Variants in FBXL20 observed in about 807,000 individuals in gnomAD.
The protein encoded by FBXL20 is F-box and leucine rich repeat protein 20.
A neutral mutation model predicts 64.0 loss-of-function variants in FBXL20; 11 were observed. That is an observed-to-expected ratio of 0.17 (90% CI 0.11 to 0.28). The LOEUF (loss-of-function observed/expected upper bound fraction) is 0.28. FBXL20 is among the 10% of genes least tolerant of loss of function. The pLI, the probability that FBXL20 is intolerant of heterozygous loss-of-function variation, is 1.00. For synonymous variants in FBXL20, 184 were observed against 189.0 expected (o/e 0.97, Z 0.22); for missense variants, 303 against 526.2 (o/e 0.58, Z 4.15).
In FBXL20 at chr17:39,279,139, G is replaced by A. The variant is rs188394118; in HGVS notation, c.696+2250C>T. ...AGCCTGGGCGATACAGCGAGACTCC[G>A]TCTCTAAATAAATAAATAAATAAAA... is the stretch of plus-strand genomic sequence containing the variant. On this transcript the variant is annotated intron_variant, in intron 9 of 14. Coordinates refer to ENST00000264658, the MANE Select transcript of FBXL20 (RefSeq NM_032875.3). 8.6e-5 allele frequency among the ~76,000 whole-genome samples: 13 copies of A among 152,010 alleles called. No homozygotes were observed. The East Asian group carries it at 1.2e-3, about 14-fold the overall frequency.
At position 39,343,847 on chromosome 17, in the gene FBXL20, C is replaced by T. The variant is rs4538040; in HGVS notation, c.43-606G>A. 2.6e-5 allele frequency among the ~76,000 whole-genome samples: 4 copies of T among 152,130 alleles called. No individual in the cohort carries two copies. In the East Asian group the frequency reaches 7.7e-4, roughly 29 times the overall value. On this transcript the variant is annotated intron_variant, in intron 1 of 14. Transcript: ENST00000264658. ...GGTAGCTGAGGTTACAGGTGCATGC[C>T]ACCATGCCCGGCTAATTTTTGTTTG...
intron 1 of FBXL20, among the ~76,000 whole-genome samples, chr17:39,361,148 G>A (rs2047789831): frequency 6.6e-6 from 1 of 152,064 alleles, no homozygotes; most frequent in Admixed American, 6.6e-5. Flanking sequence ...GAGTGTTAGG[G>A]AACAGGAGTT....
chr17:39,340,996 GC>G (rs2047577363), intron 2 of FBXL20, among the ~76,000 whole-genome samples: 1 of 140,364 alleles, frequency 7.1e-6, no homozygotes, highest in African/African-American at 2.6e-5. Context: ...ACAAAGTTTT[GC>G]TTTTTTTTTT....
In FBXL20 at chr17:39,258,272, T is replaced by C. The variant is rs1282769100; in HGVS notation, c.*3188A>G. 1 of 152,258 alleles carries C rather than the reference T, an allele frequency of 6.6e-6. No individual in the cohort carries two copies. Among genetic ancestry groups the C allele is most frequent in the Non-Finnish European group, 1.5e-5 (1 of 68,046 alleles). The allele number at this position is 152,258 out of a possible 1,614,324, so 9.4% of individuals were successfully genotyped here. ...TGAGAGAGGAAGCATTATGTTCAGA[T>C]GTCAGGCTCCTTTCCACCTGACCAA... On this transcript the variant is annotated 3_prime_UTR_variant, in exon 15 of 15. Transcript: ENST00000264658.
upstream of FBXL20, chr17:39,402,511 C>T: frequency 3.3e-6 from 1 of 302,158 alleles, no homozygotes; most frequent in Non-Finnish European, 6.1e-6. Context: ...AGCCGGGCAA[C>T]CCTTCCTTTG....
At chr17:39,326,398 A>G (rs1416689438) in intron 2 of FBXL20, among the ~76,000 whole-genome samples, 2 of 151,958 alleles carry the variant, frequency 1.3e-5, no homozygotes, top group Non-Finnish European at 2.9e-5. Flanking sequence ...AGTGGCTCAT[A>G]CCTGTAATCC....
chr17:39,354,176 T>A (rs1597815281), intron 1 of FBXL20, among the ~76,000 whole-genome samples: 1 of 152,202 alleles, frequency 6.6e-6, no homozygotes, highest in East Asian at 1.9e-4. Flanking sequence ...TAAAATAAAG[T>A]TGCAGTTTAT....
chr17:39,289,236 G>GA, intron 6 of FBXL20, among the ~76,000 whole-genome samples: 1 of 152,206 alleles, frequency 6.6e-6, no homozygotes, highest in East Asian at 1.9e-4. Context: ...CGTTATTCTA[G>GA]AACCTCTGCA....
rs758742995 is a variant in FBXL20, at chr17:39,343,113, A to G, written c.104+67T>C. ...ATATATGAAAATTAGCAAAAAGTTA[A>G]AAAATTTTAAACAGGCAAATATGAC... On this transcript the variant is annotated intron_variant, in intron 2 of 14. Transcript: ENST00000264658. 5.6e-6 allele frequency: 7 copies of G among 1,254,952 alleles called. No individual in the cohort carries two copies. In the East Asian group the frequency reaches 1.5e-4, roughly 27 times the overall value. 77.7% of individuals were successfully genotyped at this position (1,254,952 alleles called of 1,614,324 possible).
intron 2 of FBXL20, among the ~76,000 whole-genome samples, chr17:39,315,847 G>C (rs562290234): frequency 1.3e-4 from 13 of 97,244 alleles, no homozygotes; most frequent in African/African-American, 5.6e-4. Context: ...GAGAGAGAGA[G>C]AGAGAGAGAG....
chr17:39,313,990 T>C (rs933557641), intron 2 of FBXL20, among the ~76,000 whole-genome samples: 1 of 152,148 alleles, frequency 6.6e-6, no homozygotes, highest in South Asian at 2.1e-4. Flanking sequence ...TGATTTTTTT[T>C]AGTATATTCA....
chr17:39,324,169 C>T lies in FBXL20; in HGVS notation c.104+19011G>A, dbSNP rs554191799. ...TACTAAAGAACGGCTCATGAATCAA[C>T]TGCATCAGTATACCTGGAGTGCTTA... On this transcript the variant is annotated intron_variant, in intron 2 of 14. Transcript: ENST00000264658. 1.9e-4 allele frequency among the ~76,000 whole-genome samples: 28 copies of T among 150,058 alleles called. No homozygotes were observed. In the South Asian group the frequency reaches 5.8e-3, roughly 31 times the overall value.
intron 14 of FBXL20, among the ~76,000 whole-genome samples, chr17:39,262,974 CCTG>C (rs1219571788): frequency 6.6e-6 from 1 of 150,632 alleles, no homozygotes; most frequent in African/African-American, 2.4e-5. Flanking sequence ...TGCGCTCCAG[CCTG>C]GGTGACAGAG....
chr17:39,303,253 A>AG (rs1185317042), intron 3 of FBXL20, among the ~76,000 whole-genome samples: 3 of 152,086 alleles, frequency 2.0e-5, no homozygotes, highest in African/African-American at 7.2e-5. Flanking sequence ...TGTGTAAAAA[A>AG]AAAAAATGAA....
intron 1 of FBXL20, among the ~76,000 whole-genome samples, chr17:39,349,980 A>C (rs899849456): frequency 6.6e-6 from 1 of 152,078 alleles, no homozygotes; most frequent in Non-Finnish European, 1.5e-5. Flanking sequence ...TTTCATGCCC[A>C]AAAAATTATT....
Position 39,389,237 on chromosome 17 carries a change from A to C in FBXL20, c.42+12124T>G, listed in dbSNP as rs529343347. ...TCTCCCTGCAGTTACTATTCATGAT[A>C]ATGTACAAGGAAAGTTATAGTATTA... On this transcript the variant is annotated intron_variant, in intron 1 of 14. Transcript: ENST00000264658. Among the ~76,000 whole-genome samples, 66 of 152,210 alleles carry C rather than the reference A, an allele frequency of 4.3e-4. 1 individual carries two copies. The highest frequency in any genetic ancestry group is 6.8e-3 in the Middle Eastern group (2 of 294).
intron 1 of FBXL20, among the ~76,000 whole-genome samples, chr17:39,382,357 G>A (rs969122022): frequency 2.1e-5 from 3 of 146,076 alleles, no homozygotes; most frequent in Non-Finnish European, 4.5e-5. Context: ...GAAGGAGAAT[G>A]GCGTGAACCC....
At chr17:39,401,776 TC>T, upstream of FBXL20, 1 of 949,698 alleles carries the variant, frequency 1.1e-6, no homozygotes, top group Non-Finnish European at 1.3e-6. Context: ...AGACCACCCC[TC>T]CCCCACACGG....
chr17:39,338,261 C>T (rs2047548309), intron 2 of FBXL20, among the ~76,000 whole-genome samples: 1 of 152,214 alleles, frequency 6.6e-6, no homozygotes, highest in Non-Finnish European at 1.5e-5. Context: ...CTCTCTGAAA[C>T]ATGTGCTGTG....
Sources: allele counts gnomAD v4.1 joint callset (sites outside exome capture counted in the v4.1 genomes callset), GRCh38; gene constraint gnomAD v4.1.1; transcripts MANE v1.5; gene names NCBI Gene and HGNC (gene_info 2026-07-23, HGNC 2026-07-21).